SKI: variants seen among roughly 807,000 people sequenced by gnomAD.
The protein encoded by SKI is ski oncogene.
A neutral mutation model predicts 59.3 loss-of-function variants in SKI; 23 were observed. The observed-to-expected ratio is 0.39, with a 90% confidence interval of 0.28 to 0.55. The LOEUF (loss-of-function observed/expected upper bound fraction) is 0.55, where lower values mean the gene tolerates loss of function less well. Among genes scored for constraint, SKI ranks in the 20% least tolerant of loss-of-function variants. The pLI, the probability that SKI is intolerant of heterozygous loss-of-function variation, is 0.67. For missense variants in SKI, 1,017 were observed against 1,038.9 expected, an observed-to-expected ratio of 0.98 and a Z score of 0.29; for synonymous variants, 673 against 488.6, an observed-to-expected ratio of 1.38 and a Z score of -4.98.
intron 1 of SKI, among the ~76,000 whole-genome samples, chr1:2,261,406 A>G (rs1345564186): frequency 6.6e-6 from 1 of 152,180 alleles, no homozygotes; most frequent in Non-Finnish European, 1.5e-5. Context: ...ACCAACGGAA[A>G]GCTCTCTGTT....
Position 2,249,291 on chromosome 1 carries a change from G to A in SKI, c.969+19556G>A, listed in dbSNP as rs112809419. On this transcript the variant is annotated intron_variant, in intron 1 of 6. Transcript: ENST00000378536. ...TGCTGGGGGAATTCTACAGGCTGAG[G>A]ACGTGTGAGGCTCCAGGGTCCAGCG... 1.3e-3 allele frequency among the ~76,000 whole-genome samples: 202 copies of A among 152,334 alleles called. 2 individuals are homozygous for A. Among genetic ancestry groups the A allele is most frequent in the African/African-American group, 4.7e-3 (196 of 41,574 alleles).
At chr1:2,260,544 T>TTC (rs1553194285) in intron 1 of SKI, among the ~76,000 whole-genome samples, 3 of 128,718 alleles carry the variant, frequency 2.3e-5, no homozygotes, top group African/African-American at 9.7e-5. Flanking sequence ...TCTTTTTTTT[T>TTC]TTTTTTTTTT....
chr1:2,257,086 A>C (rs539742145), intron 1 of SKI, among the ~76,000 whole-genome samples: 146 of 152,260 alleles, frequency 9.6e-4, no homozygotes, highest in African/African-American at 3.4e-3. Context: ...TTTGTTGGCT[A>C]CTTTTAGTTT....
intron 1 of SKI, among the ~76,000 whole-genome samples, chr1:2,280,505 A>G (rs10910048): frequency 0.59 from 90,012 of 151,888 alleles, 26,899 homozygotes; most frequent in South Asian, 0.73. Context: ...GGTCTTGGAA[A>G]GAGCCACTTC....
rs1639600217 is a variant in SKI, at chr1:2,270,840, G to A, written c.970-32138G>A. ...GGACTCTCCAGAGGACCAGCATGGA[G>A]GTGCACAAGTTCACATTTGTCCCTC... On this transcript the variant is annotated intron_variant, in intron 1 of 6. Coordinates refer to ENST00000378536, the MANE Select transcript of SKI (RefSeq NM_003036.4). The surrounding 1 kb of genome is among the most constrained non-coding windows in gnomAD (Gnocchi z 4.1). Among the ~76,000 whole-genome samples the A allele has an allele frequency of 6.6e-6, 1 of 152,184 alleles. No individual in the cohort carries two copies. Among genetic ancestry groups the A allele is most frequent in the Admixed American group, 6.5e-5 (1 of 15,284 alleles).
At chr1:2,252,447 A>G (rs1639185448) in intron 1 of SKI, among the ~76,000 whole-genome samples, 1 of 152,136 alleles carries the variant, frequency 6.6e-6, no homozygotes, top group Non-Finnish European at 1.5e-5. Context: ...ACCTGGCACT[A>G]ACCTCTGCAG....
Position 2,239,503 on chromosome 1 carries a change from G to C in SKI, c.969+9768G>C, listed in dbSNP as rs1182913141. On this transcript the variant is annotated intron_variant, in intron 1 of 6. Transcript: ENST00000378536. ...AACGGGAGAACCTTCATCCCATGTG[G>C]GTGTAGCCGTTGGCGGCACCTTTGT... 5.3e-5 allele frequency among the ~76,000 whole-genome samples: 8 copies of C among 152,338 alleles called. 1 individual carries two copies. The East Asian group carries it at 1.5e-3, about 29-fold the overall frequency.
At chr1:2,296,853 G>A (rs1418437140) in intron 1 of SKI, among the ~76,000 whole-genome samples, 1 of 152,162 alleles carries the variant, frequency 6.6e-6, no homozygotes, top group Non-Finnish European at 1.5e-5. Flanking sequence ...AAACCTTCAC[G>A]TGCGCTCGCA....
chr1:2,276,833 C>T lies in SKI; in HGVS notation c.970-26145C>T, dbSNP rs577224239. ...AGAGCCCGTGCTCATAGCTCCGTTC[C>T]TGACATGTTCAGGAACGCCTCTGTT... On this transcript the variant is annotated intron_variant, in intron 1 of 6. Transcript: ENST00000378536. Among the ~76,000 whole-genome samples, 6 of 152,320 alleles carry T rather than the reference C, an allele frequency of 3.9e-5. No individual in the cohort carries two copies. In the South Asian group the frequency reaches 1.2e-3, roughly 32 times the overall value.
intron 1 of SKI, among the ~76,000 whole-genome samples, chr1:2,283,846 G>A (rs1451710482): frequency 1.3e-5 from 2 of 152,218 alleles, no homozygotes; most frequent in African/African-American, 2.4e-5. Context: ...AAACATCGTG[G>A]GCGTCTGCTG....
At chr1:2,306,328 A>C in intron 6 of SKI, 78 bp downstream of exon 6, 1 of 1,326,802 alleles carries the variant, frequency 7.5e-7, no homozygotes, top group Non-Finnish European at 1.0e-6. Flanking sequence ...AGTCCTGCCC[A>C]GCCGGAAAGG....
chr1:2,244,689 ATTGTT>A (rs1249290367), intron 1 of SKI, among the ~76,000 whole-genome samples: 1 of 152,110 alleles, frequency 6.6e-6, no homozygotes, highest in Non-Finnish European at 1.5e-5. Context: ...TGGTGGGTTG[ATTGTT>A]TTGTTATTTC....
rs918225868 is a variant in SKI, at chr1:2,269,402, C to T, written c.970-33576C>T. On this transcript the variant is annotated intron_variant, in intron 1 of 6. Coordinates refer to ENST00000378536, the MANE Select transcript of SKI (RefSeq NM_003036.4). The surrounding 1 kb of genome is among the most constrained non-coding windows in gnomAD (Gnocchi z 4.7). Reference sequence around the variant, plus strand: ...CGGAAGTGGCCACACTGCAGGCCCCCACAGCGTCACTAGTAGGCCAAGCGG... The same window carrying T: ...CGGAAGTGGCCACACTGCAGGCCCCTACAGCGTCACTAGTAGGCCAAGCGG... 6.6e-6 allele frequency among the ~76,000 whole-genome samples: 1 copy of T among 152,260 alleles called. No homozygotes were observed.
chr1:2,235,364 G>A (rs545108617), intron 1 of SKI, among the ~76,000 whole-genome samples: 5 of 152,128 alleles, frequency 3.3e-5, no homozygotes, highest in Non-Finnish European at 4.4e-5. Context: ...GTTCTGCCAC[G>A]GAAGGCATCC....
At chr1:2,285,785 C>T (rs958302506) in intron 1 of SKI, among the ~76,000 whole-genome samples, 1 of 150,694 alleles carries the variant, frequency 6.6e-6, no homozygotes, top group African/African-American at 2.4e-5. Context: ...AGGATGGTCT[C>T]GAACACCTGA....
intron 1 of SKI, among the ~76,000 whole-genome samples, chr1:2,275,528 T>A (rs778252449): frequency 2.0e-4 from 31 of 152,102 alleles, no homozygotes; most frequent in Non-Finnish European, 4.0e-4. Flanking sequence ...ATCTGTTTTT[T>A]TTTTAGACGG....
At chr1:2,305,888 G>C in intron 5 of SKI, 132 bp from the exon 6 acceptor site, 2 of 766,288 alleles carry the variant, frequency 2.6e-6, no homozygotes, top group Non-Finnish European at 4.5e-6. Context: ...GGCTGATGGC[G>C]CGCTGGGGGC....
Position 2,304,509 on chromosome 1 carries a change from A to G in SKI, c.1691A>G (p.His564Arg). The G allele has an allele frequency of 6.3e-7, 1 of 1,582,282 alleles. No homozygotes were observed. Among genetic ancestry groups the G allele is most frequent in the Non-Finnish European group, 8.6e-7 (1 of 1,165,606 alleles). The change falls in exon 5 of 7, where the codon CAT becomes CGT. Residue 564 changes from histidine to arginine, a missense_variant. By Grantham distance (29) the His-to-Arg change is conservative. Transcript: ENST00000378536. ...DTKEAKEKFL[H>R]EVVKMRVKQE... ...AAGGAAGCCAAAGAGAAGTTCCTGC[A>G]TGAGGTGGTCAAGATGCGCGTGAAG...
chr1:2,281,228 C>T (rs113720083), intron 1 of SKI, among the ~76,000 whole-genome samples: 1 of 50 alleles, frequency 0.02, no homozygotes, highest in Non-Finnish European at 0.022. Context: ...AGAAGACAGG[C>T]GGTGGCGGAG....
Sources: gnomAD v4.1 joint callset for allele counts (sites outside exome capture counted in the v4.1 genomes callset) on GRCh38, gnomAD v4.1.1 for gene constraint, Gnocchi (gnomAD v3.1) non-coding constraint, MANE v1.5 for transcripts, NCBI Gene and HGNC (gene_info 2026-07-23, HGNC 2026-07-21) for gene names.